WDFY3: variants seen among roughly 807,000 people sequenced by gnomAD.
WDFY3 encodes the protein WD repeat and FYVE domain containing 3.
Under a neutral mutation model 409.6 loss-of-function variants are expected in WDFY3, and 66 were observed. The observed-to-expected ratio is 0.16, with a 90% CI of 0.13 to 0.20. The LOEUF (loss-of-function observed/expected upper bound fraction) is 0.20. Among genes scored for constraint, WDFY3 ranks in the 10% least tolerant of loss-of-function variants. The probability of loss-of-function intolerance (pLI) is 1.00; values close to 1 mark genes in which losing one functional copy is unlikely to be tolerated. For missense variants in WDFY3, 3,031 were observed against 4,298.1 expected (o/e 0.71, Z 8.24); for synonymous variants, 1,521 against 1,537.1 (o/e 0.99, Z 0.25).
chr4:84,769,986 T>A (rs186408084), intron 30 of WDFY3, among the ~76,000 whole-genome samples: 1 of 152,242 alleles, frequency 6.6e-6, no homozygotes, highest in East Asian at 1.9e-4. Context: ...GCTCAGATGA[T>A]TGTTATCATT....
intron 13 of WDFY3, among the ~76,000 whole-genome samples, chr4:84,815,467 T>A (rs1398670994): frequency 6.6e-6 from 1 of 152,140 alleles, no homozygotes; most frequent in African/African-American, 2.4e-5. Flanking sequence ...TTTTTCCAAA[T>A]CCCAATAATA....
Position 84,672,966 on chromosome 4 carries a change from T to G in WDFY3, c.10483A>C (p.Lys3495Gln). 1.9e-6 allele frequency: 3 copies of G among 1,614,110 alleles called. No homozygotes were observed. Among genetic ancestry groups the G allele is most frequent in the Non-Finnish European group, 2.5e-6 (3 of 1,179,988 alleles). ...QKCSRFQSEIKRLKISSPVRV... is the reference protein window; with the variant it reads ...QKCSRFQSEIQRLKISSPVRV... ...ACCGGGGATGAGATTTTCAAGCGTT[T>G]GATTTCAGATTGAAAGCGACTGCAC... The change falls in exon 68 of 68, where the codon AAA becomes CAA. Residue 3495 changes from lysine (K) to glutamine (Q), a missense_variant. Transcript: ENST00000295888.
rs546162194 is a variant in WDFY3 at position 84,757,040 on chromosome 4, A to G, written c.5310T>C (p.Pro1770=). 1.9e-6 allele frequency: 3 copies of G among 1,614,120 alleles called. No homozygotes were observed. The highest frequency in any genetic ancestry group is 2.7e-5 in the African/African-American group (2 of 75,046). The change falls in exon 33 of 68, where the codon CCT becomes CCC. Residue 1770 remains proline, a synonymous_variant. Transcript: ENST00000295888. ...QSFLPKHTNV[P]ALYFLLMALF... Reference sequence around the variant, plus strand: ...AGGCCATGAGGAGAAAATAGAGGGCAGGGACATTAGTGTGTTTAGGAAGGA... The same window carrying G: ...AGGCCATGAGGAGAAAATAGAGGGCGGGGACATTAGTGTGTTTAGGAAGGA...
chr4:84,755,299 T>TA lies in WDFY3; in HGVS notation c.5525dup (p.Leu1842PhefsTer52). On this transcript the variant is annotated frameshift_variant, in exon 34 of 68. Coordinates refer to ENST00000295888, the MANE Select transcript of WDFY3 (RefSeq NM_014991.6). LOFTEE classifies it high-confidence loss of function. ...GCATGCTGCGGAGCATTCCCAATAA[T>TA]AAAAAAACAGCTTCTGTGCATACGT... is the stretch of plus-strand genomic sequence containing the variant. 1 of 1,612,690 alleles carries TA rather than the reference T, an allele frequency of 6.2e-7. No homozygotes were observed. The highest frequency in any genetic ancestry group is 8.5e-7 in the Non-Finnish European group (1 of 1,179,580).
chr4:84,911,907 A>G (rs977321168), intron 2 of WDFY3, among the ~76,000 whole-genome samples: 5 of 152,214 alleles, frequency 3.3e-5, no homozygotes, highest in African/African-American at 1.2e-4. Flanking sequence ...TAAATCATTA[A>G]CTGCATAAAA....
At chr4:84,782,771 T>C (rs1746788826) in intron 25 of WDFY3, among the ~76,000 whole-genome samples, 192 bp downstream of exon 25, 1 of 152,194 alleles carries the variant, frequency 6.6e-6, no homozygotes, top group Admixed American at 6.6e-5. Flanking sequence ...GTTAGTGGGA[T>C]TTTATGAAAG....
At position 84,713,162 on chromosome 4, in the gene WDFY3, T is replaced by G; in HGVS notation, c.8039A>C (p.Gln2680Pro). 6.2e-7 allele frequency: 1 copy of G among 1,614,156 alleles called. No homozygotes were observed. Among genetic ancestry groups the G allele is most frequent in the Non-Finnish European group, 8.5e-7 (1 of 1,179,992 alleles). ...SGQRPNTSVEQGSGLLSTLVG... is the reference protein window; with the variant it reads ...SGQRPNTSVEPGSGLLSTLVG... ...ATGCAAGGAACAAACCACCTACCCCTGCTCCACACTCGTGTTTGGTCGTTG... is the reference window on the plus strand; with the variant it reads ...ATGCAAGGAACAAACCACCTACCCCGGCTCCACACTCGTGTTTGGTCGTTG... Residue 2680 changes from glutamine (Q) to proline (P), a missense_variant, in exon 51 of 68, where the codon CAG (glutamine) becomes CCG (proline). Gln to Pro is a moderately conservative substitution (Grantham distance 76). Around this residue, in one of 16 missense-constraint regions of WDFY3, gnomAD observed 45 missense variants for 121.8 expected, o/e 0.37. Coordinates refer to ENST00000295888, the MANE Select transcript of WDFY3 (RefSeq NM_014991.6).
intron 27 of WDFY3, among the ~76,000 whole-genome samples, chr4:84,776,615 A>T (rs565274426): frequency 6.6e-6 from 1 of 152,120 alleles, no homozygotes; most frequent in South Asian, 2.1e-4. Flanking sequence ...GGGCTTTCAC[A>T]AGTTTTAAAT....
At chr4:84,879,196 T>G (rs895509547) in intron 3 of WDFY3, among the ~76,000 whole-genome samples, 6 of 152,180 alleles carry the variant, frequency 3.9e-5, no homozygotes, top group African/African-American at 1.2e-4. Flanking sequence ...ATCACCTATC[T>G]GCTGTTCCCT....
intron 21 of WDFY3, among the ~76,000 whole-genome samples, chr4:84,791,499 AACAATAATGTTGTTGTATG>A (rs1334695264): frequency 2.0e-5 from 3 of 152,240 alleles, no homozygotes; most frequent in Non-Finnish European, 4.4e-5. Flanking sequence ...AACTATAGTC[AACAATAATGTTGTTGTATG>A]ACAATAATGT....
chr4:84,723,944 G>C (rs991240099), intron 46 of WDFY3, among the ~76,000 whole-genome samples: 11 of 152,188 alleles, frequency 7.2e-5, no homozygotes, highest in African/African-American at 2.7e-4. Context: ...AGCTCCTAAA[G>C]TTTAGATCTG....
In WDFY3 at chr4:84,726,852, G is replaced by A; in HGVS notation, c.7272+9C>T. ...AGTTTACATTCTTTTACTGTAATTT[G>A]TGTTTTACCTTTTGAGGAATATCAT... On this transcript the variant is annotated intron_variant, in intron 45 of 67. Coordinates refer to ENST00000295888, the MANE Select transcript of WDFY3 (RefSeq NM_014991.6). 1.3e-6 allele frequency: 2 copies of A among 1,592,932 alleles called. No homozygotes were observed. Among genetic ancestry groups the A allele is most frequent in the Non-Finnish European group, 1.7e-6 (2 of 1,174,004 alleles).
chr4:84,766,754 T>A (rs3098929), intron 30 of WDFY3, among the ~76,000 whole-genome samples: 149,402 of 152,348 alleles, frequency 0.98, 73,332 homozygotes, highest in East Asian at 1. Context: ...ATACAGTTAA[T>A]TCTACCAGAT....
chr4:84,802,727 C>T (rs568909991), intron 16 of WDFY3, among the ~76,000 whole-genome samples: 25 of 152,256 alleles, frequency 1.6e-4, no homozygotes, highest in Admixed American at 1.2e-3. Context: ...CTCTTCCAAG[C>T]CTTTTGTATT....
At chr4:84,851,308 C>T (rs1758976854) in intron 4 of WDFY3, among the ~76,000 whole-genome samples, 1 of 152,024 alleles carries the variant, frequency 6.6e-6, no homozygotes, top group East Asian at 1.9e-4. Flanking sequence ...ACAGTCATTA[C>T]ACAGTAATTT....
chr4:84,832,910 A>G (rs1039079556), intron 7 of WDFY3, among the ~76,000 whole-genome samples: 5 of 152,184 alleles, frequency 3.3e-5, no homozygotes, highest in Non-Finnish European at 5.9e-5. Context: ...GGACAGTTTT[A>G]GAAAAAAAAG....
rs113570298 is a variant in WDFY3, at chr4:84,879,879, A to C, written c.-32+17032T>G. ...AATGGCCACAAAAATATGAAAAGCT[A>C]CACAACCTTGTTAGTCATAAATGAA... On this transcript the variant is annotated intron_variant, in intron 3 of 67. Transcript: ENST00000295888. Among the ~76,000 whole-genome samples the C allele has an allele frequency of 8.4e-3, 1,283 of 152,312 alleles. 8 individuals carry two copies. The highest frequency in any genetic ancestry group is 0.012 in the Non-Finnish European group (806 of 68,024).
At chr4:84,843,939 T>A (rs756442842) in intron 5 of WDFY3, among the ~76,000 whole-genome samples, 6 of 152,210 alleles carry the variant, frequency 3.9e-5, no homozygotes, top group Non-Finnish European at 7.3e-5. Flanking sequence ...CTTAAGTTTT[T>A]AAGAGTTAAT....
chr4:84,966,317 C>T lies in WDFY3; in HGVS notation c.-334G>A, dbSNP rs1329371448. ...GGCTACGGGGAAGGGGCGACCGGCGCGACGTCCGCGGCGGGGCCCGGGAGC... is the reference window on the plus strand; with the variant it reads ...GGCTACGGGGAAGGGGCGACCGGCGTGACGTCCGCGGCGGGGCCCGGGAGC... On this transcript the variant is annotated 5_prime_UTR_variant, in exon 1 of 68. Coordinates refer to ENST00000295888, the MANE Select transcript of WDFY3 (RefSeq NM_014991.6). The T allele has an allele frequency of 6.7e-6, 1 of 149,192 alleles. No individual in the cohort carries two copies. The highest frequency in any genetic ancestry group is 1.5e-5 in the Non-Finnish European group (1 of 67,038). The allele number at this position is 149,192 out of a possible 1,614,324, so 9.2% of individuals were successfully genotyped here.
Sources: allele counts gnomAD v4.1 joint callset (sites outside exome capture counted in the v4.1 genomes callset), GRCh38; gene constraint gnomAD v4.1.1; regional missense constraint gnomAD v4.1.1; transcripts MANE v1.5; gene names NCBI Gene and HGNC (gene_info 2026-07-23, HGNC 2026-07-21).